GRM7: variants seen among roughly 807,000 people sequenced by gnomAD.
GRM7 encodes the protein glutamate metabotropic receptor 7.
A neutral mutation model predicts 84.5 loss-of-function variants in GRM7; 35 were observed. The ratio of observed to expected loss-of-function variants is 0.41; its 90% CI spans 0.32 to 0.55. The LOEUF (loss-of-function observed/expected upper bound fraction) is 0.55, where lower values mean the gene tolerates loss of function less well. Ranked by LOEUF, GRM7 falls within the 20% of genes least tolerant of loss-of-function variation. The pLI is 0.19. For synonymous variants in GRM7, 487 were observed against 455.1 expected (o/e 1.07, Z -0.89); for missense variants, 1,003 against 1,194.6 (o/e 0.84, Z 2.36).
intron 4 of GRM7, among the ~76,000 whole-genome samples, chr3:7,324,833 C>T (rs575707268): frequency 7.9e-5 from 12 of 152,106 alleles, no homozygotes; most frequent in Non-Finnish European, 1.8e-4. Flanking sequence ...TCAGCAAATT[C>T]TCTTGTATCC....
intron 9 of GRM7, among the ~76,000 whole-genome samples, chr3:7,718,668 A>G (rs1173319645): frequency 6.6e-6 from 1 of 152,204 alleles, no homozygotes; most frequent in Admixed American, 6.5e-5. Context: ...GACCAGGCCT[A>G]CCTGGGGAGG....
chr3:7,614,456 A>G (rs1696990704), intron 8 of GRM7, among the ~76,000 whole-genome samples: 1 of 152,168 alleles, frequency 6.6e-6, no homozygotes, highest in Admixed American at 6.6e-5. Flanking sequence ...AAATGGATTT[A>G]CAGGAAATGG....
chr3:7,305,343 C>CTTTTTTTTTTTTT (rs1258984449), intron 3 of GRM7, among the ~76,000 whole-genome samples: 4 of 35,018 alleles, frequency 1.1e-4, no homozygotes, highest in Non-Finnish European at 2.0e-4. Context: ...TTTTTTTTTT[C>CTTTTTTTTTTTTT]TTTTTTTTTT....
intron 2 of GRM7, among the ~76,000 whole-genome samples, chr3:7,271,545 T>C (rs766952803): frequency 8.2e-5 from 10 of 122,460 alleles, no homozygotes; most frequent in African/African-American, 2.9e-4. Flanking sequence ...GGCGACAGAG[T>C]GAGAGACCGC....
At chr3:6,934,549 G>A (rs1697621293) in intron 1 of GRM7, among the ~76,000 whole-genome samples, 1 of 152,114 alleles carries the variant, frequency 6.6e-6, no homozygotes, top group Non-Finnish European at 1.5e-5. Context: ...GTGTATATGA[G>A]TATTTGTATG....
chr3:7,227,900 A>T (rs1697034966), intron 2 of GRM7, among the ~76,000 whole-genome samples: 2 of 152,186 alleles, frequency 1.3e-5, no homozygotes, highest in South Asian at 4.1e-4. Flanking sequence ...TAGGTTAGGG[A>T]TAGTTGGATC....
intron 9 of GRM7, among the ~76,000 whole-genome samples, chr3:7,711,343 C>T (rs1161721861): frequency 2.0e-5 from 3 of 152,086 alleles, no homozygotes; most frequent in Admixed American, 1.3e-4. Context: ...GATTCACGTA[C>T]AGCAAGTTCA....
chr3:7,243,062 C>A (rs571333305), intron 2 of GRM7, among the ~76,000 whole-genome samples: 1 of 152,132 alleles, frequency 6.6e-6, no homozygotes, highest in African/African-American at 2.4e-5. Context: ...CATGTCATGG[C>A]AAAGATAGAA....
rs571972906 is a variant in GRM7 at position 7,295,895 on chromosome 3, A to T, written c.737-2789A>T. ...ACTTTTTCCTTTGAAACATGTATATAGTTTGTTTCTTTTCCCCTCCTCATT... is the reference window on the plus strand; with the variant it reads ...ACTTTTTCCTTTGAAACATGTATATTGTTTGTTTCTTTTCCCCTCCTCATT... On this transcript the variant is annotated intron_variant, in intron 2 of 9. Transcript: ENST00000357716. 4.6e-5 allele frequency among the ~76,000 whole-genome samples: 7 copies of T among 151,986 alleles called. No individual in the cohort carries two copies. The South Asian group carries it at 1.2e-3, about 27-fold the overall frequency.
At chr3:7,165,272 A>G (rs980788866) in intron 2 of GRM7, among the ~76,000 whole-genome samples, 3 of 152,236 alleles carry the variant, frequency 2.0e-5, no homozygotes, top group African/African-American at 7.2e-5. Flanking sequence ...GAATTAAAGT[A>G]TACAGTACAG....
chr3:7,029,318 A>C (rs1444429004), intron 1 of GRM7, among the ~76,000 whole-genome samples: 6 of 120,852 alleles, frequency 5.0e-5, no homozygotes, highest in South Asian at 2.6e-4. Flanking sequence ...AAAAAAACAA[A>C]AAAAAAAAAC....
intron 8 of GRM7, among the ~76,000 whole-genome samples, chr3:7,649,133 G>A (rs987996843): frequency 1.3e-5 from 2 of 151,574 alleles, no homozygotes; most frequent in African/African-American, 4.9e-5. Context: ...GCAGTGGTGC[G>A]ATCTCGGCTC....
intron 7 of GRM7, among the ~76,000 whole-genome samples, chr3:7,537,122 TGTGAGGACAGAGC>T (rs1701273104): frequency 6.6e-6 from 1 of 152,172 alleles, no homozygotes; most frequent in Non-Finnish European, 1.5e-5. Context: ...TGGAGGAGTG[TGTGAGGACAGAGC>T]ACCAGGCCAG....
intron 1 of GRM7, among the ~76,000 whole-genome samples, chr3:7,101,437 G>T (rs1699104570): frequency 6.6e-6 from 1 of 151,196 alleles, no homozygotes; most frequent in South Asian, 2.1e-4. Flanking sequence ...TTGTTTGTGT[G>T]GTGTATCTTT....
intron 8 of GRM7, among the ~76,000 whole-genome samples, chr3:7,628,882 A>T (rs767384163): frequency 6.6e-6 from 1 of 152,208 alleles, no homozygotes; most frequent in Non-Finnish European, 1.5e-5. Flanking sequence ...TTAGCTGCGT[A>T]TCACAATTGG....
intron 8 of GRM7, among the ~76,000 whole-genome samples, chr3:7,620,949 G>C (rs1326812441): frequency 6.6e-6 from 1 of 151,886 alleles, no homozygotes; most frequent in Non-Finnish European, 1.5e-5. Flanking sequence ...AGAGTGGGGA[G>C]AAAAGCCTGC....
intron 1 of GRM7, among the ~76,000 whole-genome samples, chr3:7,137,915 T>C (rs889450387): frequency 2.0e-5 from 3 of 152,082 alleles, no homozygotes; most frequent in Non-Finnish European, 4.4e-5. Context: ...ACATAGTAAC[T>C]TGAAGACAAC....
In GRM7 at chr3:7,715,027, C is replaced by T. The variant is rs566071923; in HGVS notation, c.2699-25330C>T. The stretch of plus-strand genomic sequence containing the variant: ...ATGGCATTCAAGGCTCTTGCAGGAA[C>T]ATAGACATGCCTTCGATTTGGGAGA... On this transcript the variant is annotated intron_variant, in intron 9 of 9. Transcript: ENST00000357716. Among the ~76,000 whole-genome samples, 5 of 152,328 alleles carry T rather than the reference C, an allele frequency of 3.3e-5. No individual in the cohort carries two copies. The South Asian group carries it at 6.2e-4, about 19-fold the overall frequency.
intron 4 of GRM7, among the ~76,000 whole-genome samples, chr3:7,383,493 AT>A (rs1694668546): frequency 1.3e-5 from 2 of 152,242 alleles, no homozygotes; most frequent in African/African-American, 4.8e-5. Context: ...ATGCCAAAAA[AT>A]GACACAAAAT....
Sources: allele counts gnomAD v4.1 joint callset (sites outside exome capture counted in the v4.1 genomes callset), GRCh38; gene constraint gnomAD v4.1.1; transcripts MANE v1.5; gene names NCBI Gene and HGNC (gene_info 2026-07-23, HGNC 2026-07-21).